STXBP5L: variants seen among roughly 807,000 people sequenced by gnomAD.
STXBP5L encodes syntaxin binding protein 5L.
Under a neutral mutation model 144.5 loss-of-function variants are expected in STXBP5L, and 65 were observed. The ratio of observed to expected loss-of-function variants is 0.45; its 90% CI spans 0.37 to 0.55. STXBP5L has a LOEUF of 0.55. Ranked by LOEUF, STXBP5L falls within the 20% of genes least tolerant of loss-of-function variation. The probability of loss-of-function intolerance (pLI) is 0.00; values close to 1 mark genes in which losing one functional copy is unlikely to be tolerated. For missense variants in STXBP5L, 1,298 were observed against 1,405.5 expected (o/e 0.92, Z 1.22); for synonymous variants, 505 against 469.6 (o/e 1.08, Z -0.97).
intron 9 of STXBP5L, among the ~76,000 whole-genome samples, chr3:121,205,147 CATT>C (rs1559862125): frequency 6.6e-6 from 1 of 152,142 alleles, no homozygotes; most frequent in African/African-American, 2.4e-5. Flanking sequence ...TATGGATTGT[CATT>C]GTTGTCCTAG....
intron 8 of STXBP5L, among the ~76,000 whole-genome samples, chr3:121,155,452 G>A (rs1199146945): frequency 6.6e-6 from 1 of 151,762 alleles, no homozygotes; most frequent in African/African-American, 2.4e-5. Context: ...AATGGATATT[G>A]TTATCCAGTT....
At chr3:121,014,888 T>C (rs1387310755) in intron 3 of STXBP5L, among the ~76,000 whole-genome samples, 1 of 151,976 alleles carries the variant, frequency 6.6e-6, no homozygotes, top group African/African-American at 2.4e-5. Context: ...AGTAATAAAT[T>C]GAAAAACTAA....
chr3:121,143,538 C>T (rs2045594582), intron 7 of STXBP5L, among the ~76,000 whole-genome samples: 2 of 151,698 alleles, frequency 1.3e-5, no homozygotes, highest in South Asian at 4.1e-4. Flanking sequence ...AATAATAACA[C>T]TTTCTGATTT....
intron 9 of STXBP5L, among the ~76,000 whole-genome samples, chr3:121,196,434 CG>C (rs2047923311): frequency 1.3e-5 from 2 of 151,958 alleles, no homozygotes; most frequent in South Asian, 4.2e-4. Context: ...CCACCGCACC[CG>C]GCAATATTAA....
chr3:121,048,041 G>A (rs1257564469), intron 5 of STXBP5L, among the ~76,000 whole-genome samples: 1 of 152,088 alleles, frequency 6.6e-6, no homozygotes. Context: ...AGGCAGGTCT[G>A]GTGGTCATAA....
At chr3:121,191,130 G>C (rs530055703) in intron 9 of STXBP5L, among the ~76,000 whole-genome samples, 1 of 152,274 alleles carries the variant, frequency 6.6e-6, no homozygotes, top group East Asian at 1.9e-4. Flanking sequence ...TCACTTTCTA[G>C]ACAGGGTGGC....
At chr3:121,056,351 G>T (rs182467436) in intron 5 of STXBP5L, among the ~76,000 whole-genome samples, 4 of 152,084 alleles carry the variant, frequency 2.6e-5, no homozygotes, top group East Asian at 1.9e-4. Context: ...TGTAGGCTAC[G>T]ATATACAGAC....
At position 120,909,742 on chromosome 3, in the gene STXBP5L, C is replaced by CTTCGGAGTAT; in HGVS notation, c.168_177dup (p.Gln60GlyfsTer23). ...AGAGAGGAAATTCAGGAAACTTTGA[C>CTTCGGAGTAT]TTCGGAGTATTTCCAGATTTGCAAG... is the stretch of plus-strand genomic sequence containing the variant. On this transcript the variant is annotated frameshift_variant, in exon 2 of 27. Coordinates refer to ENST00000471454, the MANE Select transcript of STXBP5L (RefSeq NM_001308330.2). LOFTEE classifies it high-confidence loss of function. 6.2e-7 allele frequency: 1 copy of CTTCGGAGTAT among 1,612,072 alleles called. No individual in the cohort carries two copies. Among genetic ancestry groups the CTTCGGAGTAT allele is most frequent in the Non-Finnish European group, 8.5e-7 (1 of 1,179,484 alleles).
intron 2 of STXBP5L, among the ~76,000 whole-genome samples, chr3:120,913,879 A>G (rs1708977627): frequency 6.6e-6 from 1 of 152,038 alleles, no homozygotes; most frequent in African/African-American, 2.4e-5. Flanking sequence ...AAATAAATGA[A>G]TAAATTAAAG....
chr3:121,096,435 G>C (rs1303948507), intron 5 of STXBP5L, among the ~76,000 whole-genome samples: 2 of 152,150 alleles, frequency 1.3e-5, no homozygotes, highest in African/African-American at 4.8e-5. Context: ...GAGAAGAGGT[G>C]TTCTGGTTTT....
chr3:120,921,589 A>T (rs1167797208), intron 2 of STXBP5L, among the ~76,000 whole-genome samples: 1 of 151,980 alleles, frequency 6.6e-6, no homozygotes, highest in East Asian at 1.9e-4. Flanking sequence ...ATTTTCTTCT[A>T]GTAGATTCAT....
At chr3:121,075,805 G>C (rs1054959934) in intron 5 of STXBP5L, among the ~76,000 whole-genome samples, 1 of 152,174 alleles carries the variant, frequency 6.6e-6, no homozygotes, top group Non-Finnish European at 1.5e-5. Context: ...GTCCCAGTTT[G>C]GGTCAGCGTC....
intron 20 of STXBP5L, among the ~76,000 whole-genome samples, chr3:121,361,193 T>G (rs539612895): frequency 2.6e-4 from 39 of 152,336 alleles, no homozygotes; most frequent in African/African-American, 7.9e-4. Context: ...TATTTGTTTC[T>G]TTTCTCTTGC....
intron 2 of STXBP5L, among the ~76,000 whole-genome samples, chr3:120,930,566 A>G (rs897840004): frequency 6.6e-6 from 1 of 152,242 alleles, no homozygotes; most frequent in Non-Finnish European, 1.5e-5. Flanking sequence ...TAAATATGCT[A>G]CTAATTTTTC....
chr3:121,148,164 A>G (rs1244608924), intron 7 of STXBP5L, among the ~76,000 whole-genome samples: 3 of 152,162 alleles, frequency 2.0e-5, no homozygotes, highest in African/African-American at 7.2e-5. Flanking sequence ...TCAAAAGATG[A>G]GAGCGGAAAT....
chr3:120,926,356 C>CTTTTTTTTT (rs35029446), intron 2 of STXBP5L, among the ~76,000 whole-genome samples: 5 of 139,740 alleles, frequency 3.6e-5, no homozygotes, highest in Non-Finnish European at 6.1e-5. Context: ...GATGGCAGTT[C>CTTTTTTTTT]TTTTTTTTTT....
At chr3:121,172,256 C>G (rs2046751558) in intron 9 of STXBP5L, among the ~76,000 whole-genome samples, 1 of 152,152 alleles carries the variant, frequency 6.6e-6, no homozygotes, top group Non-Finnish European at 1.5e-5. Context: ...TAGGCAGTAC[C>G]ATTCAGGATG....
intron 20 of STXBP5L, among the ~76,000 whole-genome samples, chr3:121,346,397 T>G (rs1038583519): frequency 6.6e-6 from 1 of 151,472 alleles, no homozygotes; most frequent in Non-Finnish European, 1.5e-5. Context: ...TTATGAATAG[T>G]GCCGCAATAA....
At chr3:121,283,897 G>GTA (rs758717581) in intron 19 of STXBP5L, among the ~76,000 whole-genome samples, 2 of 125,596 alleles carry the variant, frequency 1.6e-5, no homozygotes, top group African/African-American at 6.1e-5. Flanking sequence ...GTGTGTGCTT[G>GTA]TGTGTGTGTG....
Sources: allele counts gnomAD v4.1 joint callset (sites outside exome capture counted in the v4.1 genomes callset), GRCh38; gene constraint gnomAD v4.1.1; transcripts MANE v1.5; gene names NCBI Gene and HGNC (gene_info 2026-07-23, HGNC 2026-07-21).